Variants in ZFAT observed in about 807,000 individuals in gnomAD.
The protein encoded by ZFAT is zinc finger protein ZFAT.
In ZFAT, 64 loss-of-function variants were observed where a neutral mutation model predicts 117.7. The ratio of observed to expected loss-of-function variants is 0.54; its 90% CI spans 0.44 to 0.67. The LOEUF is 0.67. Ranked by LOEUF, ZFAT falls within the 30% of genes least tolerant of loss-of-function variation. The pLI is 0.00. For synonymous variants in ZFAT, 679 were observed against 615.0 expected, an observed-to-expected ratio of 1.10 and a Z score of -1.54; for missense variants, 1,433 against 1,584.5, an observed-to-expected ratio of 0.90 and a Z score of 1.62.
chr8:134,590,665 C>T (rs1293975968), intron 7 of ZFAT, among the ~76,000 whole-genome samples: 2 of 150,698 alleles, frequency 1.3e-5, no homozygotes, highest in African/African-American at 4.9e-5. Flanking sequence ...CCACCAACAC[C>T]ACCACAACCA....
intron 3 of ZFAT, among the ~76,000 whole-genome samples, chr8:134,634,345 C>A (rs1185865797): frequency 6.6e-6 from 1 of 152,154 alleles, no homozygotes; most frequent in Non-Finnish European, 1.5e-5. Flanking sequence ...CAGTCATTGA[C>A]CCCAGGCAGT....
At position 134,602,342 on chromosome 8, in the gene ZFAT, G is replaced by T. The variant is rs200259422; in HGVS notation, c.1377C>A (p.Val459=). Residue 459 remains valine (V), a synonymous_variant, in exon 6 of 16, where the codon GTC becomes GTA. Transcript: ENST00000377838. ...LHVRKHPFVY[V]CAVCRKKFVS... ...CGAACTTCTTGCGGCAGACGGCACA[G>T]ACGTACACGAAGGGGTGCTTCCTGA... 342 of 1,613,752 alleles carry T rather than the reference G, an allele frequency of 2.1e-4. 1 individual carries two copies. The highest frequency in any genetic ancestry group is 2.6e-4 in the Non-Finnish European group (304 of 1,180,064).
At chr8:134,831,771 C>A in the ZFAT span, among the ~76,000 whole-genome samples, 1 of 152,050 alleles carries the variant, frequency 6.6e-6, no homozygotes, top group African/African-American at 2.4e-5. Context: ...GCAGCGCCCA[C>A]TTCCCGGCCC....
intron 13 of ZFAT, among the ~76,000 whole-genome samples, chr8:134,516,193 G>A (rs1820240387): frequency 6.6e-6 from 1 of 152,186 alleles, no homozygotes; most frequent in African/African-American, 2.4e-5. Context: ...GCATCACCAT[G>A]GAATTGACCA....
At chr8:134,667,386 G>C (rs1832282061) in intron 1 of ZFAT, among the ~76,000 whole-genome samples, 1 of 151,594 alleles carries the variant, frequency 6.6e-6, no homozygotes, top group East Asian at 1.9e-4. Context: ...CCAGCTACTT[G>C]GGAGGCTGAG....
chr8:134,745,318 A>G, the ZFAT span, among the ~76,000 whole-genome samples: 396 of 152,292 alleles, frequency 2.6e-3, 4 homozygotes, highest in African/African-American at 9.4e-3. Flanking sequence ...GTATCCTTGC[A>G]CTGCTCTTGC....
intron 3 of ZFAT, among the ~76,000 whole-genome samples, chr8:134,612,679 T>C (rs1255454929): frequency 6.6e-6 from 1 of 152,238 alleles, no homozygotes; most frequent in Non-Finnish European, 1.5e-5. Flanking sequence ...AAAAGGTCCT[T>C]AATCATATAA....
the ZFAT span, among the ~76,000 whole-genome samples, chr8:134,808,283 T>G: frequency 6.6e-6 from 1 of 152,174 alleles, no homozygotes; most frequent in African/African-American, 2.4e-5. Flanking sequence ...GTTCTGTGAT[T>G]AACAATGCTC....
At chr8:134,659,735 C>T (rs1265568445) in intron 1 of ZFAT, among the ~76,000 whole-genome samples, 4 of 152,070 alleles carry the variant, frequency 2.6e-5, no homozygotes, top group Non-Finnish European at 1.5e-5. Context: ...TTTCTCTCCT[C>T]TTTACAGTAA....
intron 12 of ZFAT, among the ~76,000 whole-genome samples, chr8:134,529,392 C>T (rs1435314155): frequency 6.6e-6 from 1 of 152,216 alleles, no homozygotes; most frequent in Non-Finnish European, 1.5e-5. Flanking sequence ...GGCAGGCCCA[C>T]TGAAGCAATA....
chr8:134,788,270 A>G, the ZFAT span, among the ~76,000 whole-genome samples: 2 of 152,184 alleles, frequency 1.3e-5, no homozygotes, highest in Non-Finnish European at 2.9e-5. Flanking sequence ...ATGTAAATCT[A>G]TAAATTTTCC....
At chr8:134,613,976 G>T (rs137916290) in intron 3 of ZFAT, among the ~76,000 whole-genome samples, 1 of 152,148 alleles carries the variant, frequency 6.6e-6, no homozygotes, top group South Asian at 2.1e-4. Context: ...CTTGTTACAC[G>T]AGAGAACATT....
chr8:134,697,930 C>A (rs915098755), intron 1 of ZFAT, among the ~76,000 whole-genome samples: 6 of 151,564 alleles, frequency 4.0e-5, no homozygotes, highest in Non-Finnish European at 7.4e-5. Context: ...ACCCCTATGT[C>A]ACATAGTCCC....
At chr8:134,590,987 T>G (rs1187160315) in intron 7 of ZFAT, among the ~76,000 whole-genome samples, 1 of 152,084 alleles carries the variant, frequency 6.6e-6, no homozygotes, top group African/African-American at 2.4e-5. Flanking sequence ...AATGGGGGAA[T>G]GGCATCAGCT....
At chr8:134,684,325 G>GA (rs1245843539) in intron 1 of ZFAT, among the ~76,000 whole-genome samples, 1 of 152,142 alleles carries the variant, frequency 6.6e-6, no homozygotes, top group Non-Finnish European at 1.5e-5. Context: ...TGTAATCCAA[G>GA]AAAAATTAAA....
chr8:134,557,469 T>C (rs538400926), intron 11 of ZFAT, among the ~76,000 whole-genome samples: 32 of 152,346 alleles, frequency 2.1e-4, no homozygotes, highest in South Asian at 1.9e-3. Flanking sequence ...CTAATGATAA[T>C]GTATTAATAT....
At chr8:134,506,060 AT>A (rs1282521960) in intron 15 of ZFAT, among the ~76,000 whole-genome samples, 1 of 152,076 alleles carries the variant, frequency 6.6e-6, no homozygotes, top group African/African-American at 2.4e-5. Context: ...TATTGCTGTT[AT>A]TTTCTTTGGT....
chr8:134,505,216 C>T (rs6577937), intron 15 of ZFAT, among the ~76,000 whole-genome samples: 144,254 of 152,316 alleles, frequency 0.95, 68,326 homozygotes, highest in East Asian at 1. Flanking sequence ...ATATCATTCA[C>T]CTGATATGTT....
At chr8:134,517,760 C>A (rs185529703) in intron 13 of ZFAT, among the ~76,000 whole-genome samples, 5 of 152,130 alleles carry the variant, frequency 3.3e-5, no homozygotes, top group Non-Finnish European at 5.9e-5. Flanking sequence ...ATGACCTTGA[C>A]GCTTTTGAGG....
Sources: allele counts gnomAD v4.1 joint callset (sites outside exome capture counted in the v4.1 genomes callset), GRCh38; gene constraint gnomAD v4.1.1; transcripts MANE v1.5; gene names NCBI Gene and HGNC (gene_info 2026-07-23, HGNC 2026-07-21).